The following MTR variants were observed in gnomAD, a reference collection of about 807,000 sequenced individuals.
MTR encodes methionine synthase.
A neutral mutation model predicts 154.8 loss-of-function variants in MTR; 84 were observed. The ratio of observed to expected loss-of-function variants is 0.54; its 90% CI spans 0.45 to 0.65. The LOEUF (loss-of-function observed/expected upper bound fraction) is 0.65, where lower values mean the gene tolerates loss of function less well. MTR is among the 30% of genes least tolerant of loss of function. The pLI, the probability that MTR is intolerant of heterozygous loss-of-function variation, is 0.00. For synonymous variants in MTR, 554 were observed against 553.9 expected (o/e 1.00, Z 0.00); for missense variants, 1,275 against 1,570.2 (o/e 0.81, Z 3.18).
chr1:236,893,152 T>C (rs2147945960), intron 29 of MTR, among the ~76,000 whole-genome samples: 1 of 152,140 alleles, frequency 6.6e-6, no homozygotes, highest in Non-Finnish European at 1.5e-5. Flanking sequence ...AAGCTTTGGG[T>C]CCCCCTCTGG....
chr1:236,835,150 G>T (rs1032748107), intron 13 of MTR, among the ~76,000 whole-genome samples: 24 of 151,912 alleles, frequency 1.6e-4, no homozygotes, highest in African/African-American at 5.6e-4. Flanking sequence ...AAGGGATTGC[G>T]TTCCAAGCAG....
intron 31 of MTR, 27 bp downstream of exon 31, chr1:236,895,577 T>C: frequency 6.4e-7 from 1 of 1,553,270 alleles, no homozygotes; most frequent in East Asian, 2.4e-5. Flanking sequence ...TGCGGGTTCC[T>C]GTCTTCCTTC....
At chr1:236,809,070 A>G (rs1441684774) in intron 4 of MTR, among the ~76,000 whole-genome samples, 2 of 152,198 alleles carry the variant, frequency 1.3e-5, no homozygotes, top group Non-Finnish European at 2.9e-5. Context: ...AGCTGAAATA[A>G]TTTATGTCTC....
At chr1:236,891,900 A>T (rs982906160) in intron 29 of MTR, among the ~76,000 whole-genome samples, 9 of 152,012 alleles carry the variant, frequency 5.9e-5, no homozygotes, top group Admixed American at 5.9e-4. Context: ...GGGCCCCCCA[A>T]TATAGAGAGG....
chr1:236,888,673 T>G lies in MTR; in HGVS notation c.2852-508T>G, dbSNP rs189621056. On this transcript the variant is annotated intron_variant, in intron 27 of 32. Coordinates refer to ENST00000366577, the MANE Select transcript of MTR (RefSeq NM_000254.3). ...GAGTATGTATCGGAAGTCCCACATG[T>G]GTCCCTTCCTCCCCTGCAGAAAGCA... 7.2e-5 allele frequency among the ~76,000 whole-genome samples: 11 copies of G among 152,368 alleles called. 1 individual carries two copies. The highest frequency in any genetic ancestry group is 2.0e-4 in the Admixed American group (3 of 15,310).
chr1:236,853,117 A>G lies in MTR; in HGVS notation c.1953+29A>G, dbSNP rs187416790. 8 of 1,611,962 alleles carry G rather than the reference A, an allele frequency of 5.0e-6. No homozygotes were observed. The African/African-American group carries it at 1.1e-4, about 22-fold the overall frequency. ...GAGAGACAAGTGTTCTAATAGATGG[A>G]TTTTTCCTATCTTTGAATGTATTAC... On this transcript the variant is annotated intron_variant, in intron 18 of 32. Coordinates refer to ENST00000366577, the MANE Select transcript of MTR (RefSeq NM_000254.3).
rs2102983204 is a variant in MTR, at chr1:236,795,732, A to T, written c.29A>T (p.Gln10Leu). 1 of 1,614,166 alleles carries T rather than the reference A, an allele frequency of 6.2e-7. No individual in the cohort carries two copies. The change falls in exon 1 of 33, where the codon CAA becomes CTA. Residue 10 changes from glutamine to leucine, a missense_variant. Gln to Leu is a moderately radical substitution (Grantham distance 113). Transcript: ENST00000366577. The part of the protein sequence containing the change: MSPALQDLS[Q>L]PEGLKKTLRD... Reference sequence around the variant, plus strand: ...TCACCCGCGCTCCAAGACCTGTCGCAACCCGGTAACGCTGCGACCCCGTCT... The same window carrying T: ...TCACCCGCGCTCCAAGACCTGTCGCTACCCGGTAACGCTGCGACCCCGTCT...
intron 15 of MTR, among the ~76,000 whole-genome samples, chr1:236,848,287 C>T (rs952244465): frequency 1.3e-5 from 2 of 152,108 alleles, no homozygotes; most frequent in African/African-American, 4.8e-5. Flanking sequence ...CTTCAACCTG[C>T]CCTGCTTGGC....
At chr1:236,812,977 A>G in intron 6 of MTR, 133 bp downstream of exon 6, 1 of 770,648 alleles carries the variant, frequency 1.3e-6, no homozygotes, top group Non-Finnish European at 2.2e-6. Flanking sequence ...TTTATTCTTG[A>G]GTATTTTTAA....
chr1:236,810,749 T>C (rs145452965), intron 5 of MTR, among the ~76,000 whole-genome samples, 154 bp downstream of exon 5: 147 of 152,330 alleles, frequency 9.7e-4, no homozygotes, highest in African/African-American at 3.3e-3. Flanking sequence ...GCCTGGAATA[T>C]AGTAGACATC....
rs576717983 is a variant in MTR, at chr1:236,858,933, C to T, written c.1954-900C>T. 1.4e-4 allele frequency among the ~76,000 whole-genome samples: 22 copies of T among 152,282 alleles called. No individual in the cohort carries two copies. In the South Asian group the frequency reaches 3.1e-3, roughly 22 times the overall value. On this transcript the variant is annotated intron_variant, in intron 18 of 32. Transcript: ENST00000366577. The stretch of plus-strand genomic sequence containing the variant: ...AACTTTTCTTTGCCACCTTAGCTTA[C>T]GATAACCATTCCTTCCTCAAAATTC...
At chr1:236,841,481 G>C (rs1437303471) in intron 15 of MTR, among the ~76,000 whole-genome samples, 1 of 152,164 alleles carries the variant, frequency 6.6e-6, no homozygotes, top group African/African-American at 2.4e-5. Context: ...TAAGAGGACT[G>C]TCATACTACT....
At chr1:236,828,899 G>A (rs1258229553) in intron 11 of MTR, among the ~76,000 whole-genome samples, 3 of 151,982 alleles carry the variant, frequency 2.0e-5, no homozygotes, top group African/African-American at 7.3e-5. Context: ...TTGTATTTGT[G>A]CAAACTGTCA....
At chr1:236,838,743 C>CA in intron 15 of MTR, 144 bp downstream of exon 15, 3 of 829,440 alleles carry the variant, frequency 3.6e-6, no homozygotes, top group Non-Finnish European at 5.9e-6. Flanking sequence ...TATATGTACA[C>CA]GTATCTGTAT....
intron 5 of MTR, chr1:236,811,584 C>G (rs1042675297): frequency 8.8e-6 from 4 of 455,868 alleles, no homozygotes; most frequent in African/African-American, 8.0e-5. Flanking sequence ...TGATACCACA[C>G]TTTTTCACTA....
At chr1:236,810,426 A>C (rs1312105373) in intron 4 of MTR, 77 bp from the exon 5 acceptor site, 1 of 1,195,834 alleles carries the variant, frequency 8.4e-7, no homozygotes, top group Non-Finnish European at 1.2e-6. Flanking sequence ...CCAGAAAAAA[A>C]TCTTATTGGC....
intron 7 of MTR, 147 bp downstream of exon 7, chr1:236,815,810 C>G (rs1661559377): frequency 2.6e-6 from 2 of 771,112 alleles, no homozygotes; most frequent in Non-Finnish European, 4.3e-6. Context: ...TCCCTTCCAC[C>G]ACTTCTGGAC....
chr1:236,813,210 C>T (rs1364129992), intron 6 of MTR, among the ~76,000 whole-genome samples: 1 of 152,150 alleles, frequency 6.6e-6, no homozygotes, highest in Non-Finnish European at 1.5e-5. Context: ...AGCTCCCTTT[C>T]CTGATACAAC....
At chr1:236,869,050 C>T (rs1451097928) in intron 22 of MTR, among the ~76,000 whole-genome samples, 1 of 152,148 alleles carries the variant, frequency 6.6e-6, no homozygotes, top group East Asian at 1.9e-4. Flanking sequence ...GAAACACATG[C>T]CATCTTGTGG....
Sources: allele counts gnomAD v4.1 joint callset (sites outside exome capture counted in the v4.1 genomes callset), GRCh38; gene constraint gnomAD v4.1.1; transcripts MANE v1.5; gene names NCBI Gene and HGNC (gene_info 2026-07-23, HGNC 2026-07-21).